The following PDE4B variants were observed in gnomAD, a reference collection of about 807,000 sequenced individuals.
PDE4B encodes 3',5'-cyclic-AMP phosphodiesterase 4B.
A neutral mutation model predicts 82.2 loss-of-function variants in PDE4B; 20 were observed. The observed-to-expected ratio is 0.24, with a 90% CI of 0.17 to 0.35. The LOEUF is 0.35. Ranked by LOEUF, PDE4B falls within the 10% of genes least tolerant of loss-of-function variation. PDE4B has a pLI of 1.00. For missense variants in PDE4B, 655 were observed against 907.2 expected, an observed-to-expected ratio of 0.72 and a Z score of 3.57; for synonymous variants, 320 against 318.9, an observed-to-expected ratio of 1.00 and a Z score of -0.04.
chr1:65,797,430 A>T (rs1645644240), intron 1 of PDE4B, among the ~76,000 whole-genome samples: 1 of 152,164 alleles, frequency 6.6e-6, no homozygotes, highest in South Asian at 2.1e-4. Context: ...ATTTTAACAG[A>T]TAATCACTCT....
At chr1:65,897,139 A>T (rs924613461) in intron 1 of PDE4B, among the ~76,000 whole-genome samples, 2 of 152,160 alleles carry the variant, frequency 1.3e-5, no homozygotes, top group Admixed American at 1.3e-4. Context: ...TTCTATTTTA[A>T]TAAATAAGAA....
intron 3 of PDE4B, among the ~76,000 whole-genome samples, chr1:65,991,851 A>G (rs2100679272): frequency 6.6e-6 from 1 of 152,250 alleles, no homozygotes; most frequent in Middle Eastern, 3.4e-3. Flanking sequence ...ACACATGCAT[A>G]GTGCTTGACT....
chr1:66,266,717 A>G (rs762075670), intron 7 of PDE4B: 1 of 526,088 alleles, frequency 1.9e-6, no homozygotes, highest in South Asian at 1.4e-5. Flanking sequence ...TGCAGAGAGG[A>G]AGGGCCACCT....
intron 3 of PDE4B, among the ~76,000 whole-genome samples, chr1:66,179,209 T>C (rs1453245897): frequency 4.6e-5 from 7 of 152,178 alleles, no homozygotes; most frequent in Admixed American, 1.3e-4. Context: ...TTTGTCAGCC[T>C]TACCATGGAA....
chr1:66,274,073 G>A (rs532878503), intron 7 of PDE4B, among the ~76,000 whole-genome samples: 1 of 152,308 alleles, frequency 6.6e-6, no homozygotes, highest in South Asian at 2.1e-4. Context: ...CACTCAAGTA[G>A]CATATTGAAT....
At chr1:66,151,014 C>A (rs1646382126) in intron 3 of PDE4B, among the ~76,000 whole-genome samples, 1 of 152,096 alleles carries the variant, frequency 6.6e-6, no homozygotes, top group Admixed American at 6.6e-5. Context: ...GATGTCTTCA[C>A]CTGATTTTAC....
At chr1:65,983,553 T>C (rs1022162480) in intron 3 of PDE4B, among the ~76,000 whole-genome samples, 2 of 152,108 alleles carry the variant, frequency 1.3e-5, no homozygotes, top group African/African-American at 4.8e-5. Flanking sequence ...ACATGACTGG[T>C]ATCTTTATTA....
chr1:65,955,098 TA>T (rs1348334293), intron 3 of PDE4B, among the ~76,000 whole-genome samples: 22 of 152,100 alleles, frequency 1.4e-4, no homozygotes, highest in African/African-American at 5.3e-4. Context: ...AATGGTGTGT[TA>T]TTATACAAGA....
chr1:66,106,803 A>C (rs1226668847), intron 3 of PDE4B, among the ~76,000 whole-genome samples: 2 of 126,436 alleles, frequency 1.6e-5, no homozygotes, highest in Non-Finnish European at 3.5e-5. Context: ...ATCATTTTTT[A>C]TTGCATCTAT....
chr1:65,990,674 TAATTG>T (rs964850902), intron 3 of PDE4B, among the ~76,000 whole-genome samples: 2 of 152,208 alleles, frequency 1.3e-5, no homozygotes, highest in African/African-American at 4.8e-5. Flanking sequence ...TACAATTTTG[TAATTG>T]AATTAAAGAT....
chr1:65,839,889 C>A (rs941001705), intron 1 of PDE4B, among the ~76,000 whole-genome samples: 3 of 152,174 alleles, frequency 2.0e-5, no homozygotes, highest in African/African-American at 7.2e-5. Context: ...CTCCCTCCAA[C>A]AGTGTAAAAG....
chr1:65,857,303 C>T (rs1646404365), intron 1 of PDE4B, among the ~76,000 whole-genome samples: 1 of 152,164 alleles, frequency 6.6e-6, no homozygotes, highest in Admixed American at 6.5e-5. Context: ...TTTCTCTTTT[C>T]CTGGTACTCA....
intron 3 of PDE4B, among the ~76,000 whole-genome samples, chr1:66,001,805 C>T (rs1297979789): frequency 6.6e-6 from 1 of 152,140 alleles, no homozygotes; most frequent in Admixed American, 6.5e-5. Context: ...TTACTGCAAC[C>T]TCTGCCTCAT....
chr1:66,233,622 T>C lies in PDE4B; in HGVS notation c.282-13838T>C, dbSNP rs114168089. On this transcript the variant is annotated intron_variant, in intron 3 of 16. Transcript: ENST00000341517. ...CTAATTTTATAGAGAAATAATTCAG[T>C]CTTTTATCTTAAAGGATAATGTCAG... 8.2e-3 allele frequency among the ~76,000 whole-genome samples: 1,249 copies of C among 152,278 alleles called. 18 individuals carry two copies. Among genetic ancestry groups the C allele is most frequent in the African/African-American group, 0.028 (1,176 of 41,560 alleles).
At chr1:66,365,542 G>A in intron 12 of PDE4B, 125 bp from the exon 13 acceptor site, 2 of 565,174 alleles carry the variant, frequency 3.5e-6, no homozygotes, top group Admixed American at 2.8e-5. Context: ...TTAGTATATT[G>A]AGATATTACA....
chr1:66,063,209 G>A (rs9436757), intron 3 of PDE4B, among the ~76,000 whole-genome samples: 145,852 of 152,152 alleles, frequency 0.96, 69,930 homozygotes, highest in East Asian at 0.98. Context: ...AAAGATGGGA[G>A]TTTGTCTCTA....
chr1:65,906,001 A>C (rs929983681), intron 1 of PDE4B, among the ~76,000 whole-genome samples: 1 of 152,182 alleles, frequency 6.6e-6, no homozygotes, highest in Non-Finnish European at 1.5e-5. Context: ...TTGAGAAATC[A>C]GATGAAAAGA....
intron 3 of PDE4B, among the ~76,000 whole-genome samples, chr1:66,184,844 T>TA (rs1187113622): frequency 1.0e-5 from 1 of 99,040 alleles, no homozygotes; most frequent in Non-Finnish European, 2.3e-5. Context: ...CCCAGTTTAC[T>TA]TTTTTTTATT....
intron 3 of PDE4B, among the ~76,000 whole-genome samples, chr1:66,159,565 G>A (rs1245704904): frequency 3.3e-5 from 5 of 152,144 alleles, no homozygotes; most frequent in African/African-American, 1.2e-4. Context: ...TTAAAAAGGA[G>A]AGAAAATTCA....
Sources: allele counts gnomAD v4.1 joint callset (sites outside exome capture counted in the v4.1 genomes callset), GRCh38; gene constraint gnomAD v4.1.1; transcripts MANE v1.5; gene names NCBI Gene and HGNC (gene_info 2026-07-23, HGNC 2026-07-21).